SPTA1: variants seen among roughly 807,000 people sequenced by gnomAD.
SPTA1 encodes the protein spectrin alpha, erythrocytic 1.
SPTA1 carries 177 observed loss-of-function variants against 324.7 expected under a neutral mutation model. That is an observed-to-expected ratio of 0.55 (90% CI 0.48 to 0.62). SPTA1 has a LOEUF of 0.62. SPTA1 is among the 20% of genes least tolerant of loss of function. SPTA1 has a pLI of 0.00. For synonymous variants in SPTA1, 1,195 were observed against 1,041.3 expected (o/e 1.15, Z -2.84); for missense variants, 3,162 against 2,883.6 (o/e 1.10, Z -2.21).
chr1:158,618,074 G>T lies in SPTA1; in HGVS notation c.6531-18C>A, dbSNP rs1649687618. The T allele has an allele frequency of 6.2e-7, 1 of 1,609,038 alleles. No individual in the cohort carries two copies. Among genetic ancestry groups the T allele is most frequent in the African/African-American group, 1.3e-5 (1 of 74,840 alleles). ...AGTAAGCCCTGGACATGGAGGTCCGGAACAGGAATCACATGAGAGAAAAGG... is the reference window on the plus strand; with the variant it reads ...AGTAAGCCCTGGACATGGAGGTCCGTAACAGGAATCACATGAGAGAAAAGG... On this transcript the variant is annotated intron_variant, in intron 45 of 51. Transcript: ENST00000643759.
intron 18 of SPTA1, among the ~76,000 whole-genome samples, chr1:158,658,712 C>G (rs1261345932): frequency 1.3e-5 from 2 of 151,762 alleles, no homozygotes. Flanking sequence ...TTGTTTAATA[C>G]CAGTGATAAA....
rs1282920989 is a variant in SPTA1 at position 158,639,849 on chromosome 1, AC to A, written c.4875+20del. 1 of 1,613,766 alleles carries A rather than the reference AC, an allele frequency of 6.2e-7. No homozygotes were observed. The highest frequency in any genetic ancestry group is 8.5e-7 in the Non-Finnish European group (1 of 1,179,924). Reference sequence around the variant, plus strand: ...GTATGTATTAAACTCTTGTGTCTCTACTGTTTCCGGGTGCAATTACCTCTGA... The same window carrying A: ...GTATGTATTAAACTCTTGTGTCTCTATGTTTCCGGGTGCAATTACCTCTGA... On this transcript the variant is annotated intron_variant, in intron 34 of 51. Transcript: ENST00000643759.
rs769512002 is a variant in SPTA1 at position 158,649,898 on chromosome 1, C to T, written c.3527G>A (p.Arg1176Gln). 8.7e-6 allele frequency: 14 copies of T among 1,613,862 alleles called. No individual in the cohort carries two copies. The South Asian group carries it at 8.8e-5, about 10-fold the overall frequency. The change falls in exon 25 of 52, where the codon CGG becomes CAG. Residue 1176 changes from arginine to glutamine, a missense_variant. Physicochemically the swap from Arg to Gln is conservative, Grantham distance 43. Transcript: ENST00000643759. ...GSLQRLADEQRQLLGSAHAVE... is the reference protein window; with the variant it reads ...GSLQRLADEQQQLLGSAHAVE... Reference sequence around the variant, plus strand: ...AGCATGGGCACTGCCCAGCAGCTGCCGCTGTTCATCTGCAAGCCTCTGCAA... The same window carrying T: ...AGCATGGGCACTGCCCAGCAGCTGCTGCTGTTCATCTGCAAGCCTCTGCAA...
intron 14 of SPTA1, 37 bp downstream of exon 14, chr1:158,669,371 C>T (rs778260608): frequency 1.2e-6 from 2 of 1,613,640 alleles, no homozygotes; most frequent in African/African-American, 1.3e-5. Flanking sequence ...AAAGGAACTC[C>T]TGATAACTAC....
chr1:158,620,062 G>A, intron 44 of SPTA1, 108 bp downstream of exon 44: 1 of 1,368,010 alleles, frequency 7.3e-7, no homozygotes, highest in Admixed American at 1.7e-5. Context: ...TTCTGTCCCA[G>A]TATAGTTATT....
Position 158,654,762 on chromosome 1 carries a change from G to A in SPTA1, c.2899-14C>T, listed in dbSNP as rs372061189. 1.9e-6 allele frequency: 3 copies of A among 1,612,796 alleles called. No homozygotes were observed. The African/African-American group carries it at 4.0e-5, about 22-fold the overall frequency. ...AGCCTGTTGTTGCTGAATAAAAACA[G>A]GAAGCAGGTGTCAGTCACGCACTGG... On this transcript the variant is annotated splice_polypyrimidine_tract_variant and intron_variant, in intron 20 of 51. Coordinates refer to ENST00000643759, the MANE Select transcript of SPTA1 (RefSeq NM_003126.4).
At chr1:158,668,175 A>G in intron 14 of SPTA1, 113 bp from the exon 15 acceptor site, 1 of 1,191,866 alleles carries the variant, frequency 8.4e-7, no homozygotes, top group Non-Finnish European at 1.2e-6. Flanking sequence ...TGCTAACAAG[A>G]AGATAAAAGG....
chr1:158,673,469 A>G (rs1390758952), intron 10 of SPTA1, among the ~76,000 whole-genome samples: 2 of 152,186 alleles, frequency 1.3e-5, no homozygotes, highest in African/African-American at 2.4e-5. Flanking sequence ...GATGATGGTA[A>G]AACTGATTTC....
intron 43 of SPTA1, chr1:158,620,783 A>G (rs1649855300): frequency 4.4e-6 from 1 of 228,726 alleles, no homozygotes; most frequent in East Asian, 1.0e-4. Flanking sequence ...GTTTTCAATT[A>G]TATGATTTCT....
At chr1:158,636,561 G>T in intron 37 of SPTA1, 80 bp downstream of exon 37, 1 of 1,521,578 alleles carries the variant, frequency 6.6e-7, no homozygotes. Context: ...ACGTTTTGTA[G>T]CACCCTCTTA....
At chr1:158,616,478 C>G (rs1195176542) in intron 47 of SPTA1, among the ~76,000 whole-genome samples, 1 of 152,136 alleles carries the variant, frequency 6.6e-6, no homozygotes, top group Non-Finnish European at 1.5e-5. Context: ...TTATTTTGCT[C>G]CCACCTACGA....
At chr1:158,634,940 C>T (rs1650955807) in intron 38 of SPTA1, among the ~76,000 whole-genome samples, 2 of 152,030 alleles carry the variant, frequency 1.3e-5, no homozygotes, top group African/African-American at 4.8e-5. Flanking sequence ...AGGAAACCCA[C>T]CCTAACCAAA....
Position 158,618,077 on chromosome 1 carries a change from C to G in SPTA1, c.6531-21G>C, listed in dbSNP as rs778071447. 14 of 1,608,328 alleles carry G rather than the reference C, an allele frequency of 8.7e-6. No individual in the cohort carries two copies. In the Admixed American group the frequency reaches 2.3e-4, roughly 27 times the overall value. ...AAGCCCTGGACATGGAGGTCCGGAA[C>G]AGGAATCACATGAGAGAAAAGGGAG... On this transcript the variant is annotated intron_variant, in intron 45 of 51. Transcript: ENST00000643759.
rs1465941785 is a variant in SPTA1, at chr1:158,633,606, A to T, written c.5565+937T>A. 2.0e-5 allele frequency among the ~76,000 whole-genome samples: 3 copies of T among 149,378 alleles called. No individual in the cohort carries two copies. In the Admixed American group the frequency reaches 2.0e-4, roughly 10 times the overall value. On this transcript the variant is annotated intron_variant, in intron 39 of 51. Coordinates refer to ENST00000643759, the MANE Select transcript of SPTA1 (RefSeq NM_003126.4). ...AACCCGGGAGGCAGAGCTTGCAGTG[A>T]GCCAAGATCACTCCACTGCACTCCA...
intron 30 of SPTA1, 119 bp from the exon 31 acceptor site, chr1:158,643,544 G>A: frequency 1.0e-6 from 1 of 980,416 alleles, no homozygotes; most frequent in Non-Finnish European, 1.6e-6. Flanking sequence ...ATATACTCAG[G>A]GTCAAATAAT....
rs777447186 is a variant in SPTA1 at position 158,639,767 on chromosome 1, A to AGCTG, written c.4876-82_4876-81insCAGC. 2.8e-3 allele frequency: 4,569 copies of AGCTG among 1,612,240 alleles called. 9 individuals carry two copies. The highest frequency in any genetic ancestry group is 3.4e-3 in the Non-Finnish European group (4,024 of 1,179,270). ...ATAAGATCAGCAGCTATGTCCCCAA[A>AGCTG]CTTTTCCCAGGAAAATTCAAGGAAA... On this transcript the variant is annotated intron_variant, in intron 34 of 51. Transcript: ENST00000643759.
chr1:158,674,298 G>C, intron 10 of SPTA1, 31 bp downstream of exon 10: 3 of 1,591,266 alleles, frequency 1.9e-6, no homozygotes, highest in Non-Finnish European at 2.6e-6. Flanking sequence ...TATATAATTG[G>C]AATTTGACAA....
rs190206689 is a variant in SPTA1 at position 158,678,338 on chromosome 1, A to G, written c.812+63T>C. ...CTAACAGAAGTAGAAAGAGCCTAATACAAAGACACGGTTTTTATAAAGCAC... is the reference window on the plus strand; with the variant it reads ...CTAACAGAAGTAGAAAGAGCCTAATGCAAAGACACGGTTTTTATAAAGCAC... On this transcript the variant is annotated intron_variant, in intron 6 of 51. Transcript: ENST00000643759. 4,471 of 1,606,912 alleles carry G rather than the reference A, an allele frequency of 2.8e-3. 21 individuals carry two copies. The highest frequency in any genetic ancestry group is 2.8e-3 in the Non-Finnish European group (3,237 of 1,173,924).
In SPTA1 at chr1:158,611,171, CCAT is replaced by C; in HGVS notation, c.*90_*92del. ...CACACACACACACACACACACGAGG[CCAT>C]CTTTATCTTCCACATTTGCCTGTAC... On this transcript the variant is annotated 3_prime_UTR_variant, in exon 52 of 52. Coordinates refer to ENST00000643759, the MANE Select transcript of SPTA1 (RefSeq NM_003126.4). 8.9e-7 allele frequency: 1 copy of C among 1,126,302 alleles called. No individual in the cohort carries two copies. Among genetic ancestry groups the C allele is most frequent in the Non-Finnish European group, 1.3e-6 (1 of 783,756 alleles). The allele number at this position is 1,126,302 out of a possible 1,614,324, so 69.8% of individuals were successfully genotyped here. A position where few individuals can be genotyped will look rare whatever the true frequency, so the allele number is the denominator to read the frequency against.
Sources: gnomAD v4.1 joint callset for allele counts (sites outside exome capture counted in the v4.1 genomes callset) on GRCh38, gnomAD v4.1.1 for gene constraint, MANE v1.5 for transcripts, NCBI Gene and HGNC (gene_info 2026-07-23, HGNC 2026-07-21) for gene names.